Variants in CNTN5 observed in about 807,000 individuals in gnomAD.
The protein encoded by CNTN5 is contactin 5, also known as contactin-5.
Under a neutral mutation model 129.1 loss-of-function variants are expected in CNTN5, and 77 were observed. That is an observed-to-expected ratio of 0.60 (90% confidence interval 0.50 to 0.72). The LOEUF (loss-of-function observed/expected upper bound fraction) is 0.72. Among genes scored for constraint, CNTN5 ranks in the 30% least tolerant of loss-of-function variants. The pLI is 0.00. For missense variants in CNTN5, 1,478 were observed against 1,328.8 expected (o/e 1.11, Z -1.75); for synonymous variants, 509 against 465.6 (o/e 1.09, Z -1.20).
chr11:99,628,611 G>GTC (rs1491247499), intron 3 of CNTN5, among the ~76,000 whole-genome samples: 1 of 147,146 alleles, frequency 6.8e-6, no homozygotes, highest in Non-Finnish European at 1.5e-5. Context: ...GCTAAATAAT[G>GTC]ACACACACAC....
chr11:100,147,496 A>ATCAT (rs1402184943), intron 13 of CNTN5, among the ~76,000 whole-genome samples: 1 of 151,988 alleles, frequency 6.6e-6, no homozygotes, highest in Non-Finnish European at 1.5e-5. Context: ...TTAAACCTGA[A>ATCAT]TCATTCGAAC....
intron 1 of CNTN5, among the ~76,000 whole-genome samples, chr11:99,046,182 T>C (rs1387952967): frequency 6.6e-6 from 1 of 151,562 alleles, no homozygotes; most frequent in African/African-American, 2.4e-5. Flanking sequence ...CTACTAAAAA[T>C]ACAAAAAAAA....
At chr11:99,525,773 A>T (rs1184528045) in intron 2 of CNTN5, among the ~76,000 whole-genome samples, 1 of 152,160 alleles carries the variant, frequency 6.6e-6, no homozygotes, top group Non-Finnish European at 1.5e-5. Context: ...GTGAATTTCT[A>T]CTCAGAAACA....
intron 1 of CNTN5, among the ~76,000 whole-genome samples, chr11:99,125,219 T>C (rs769466993): frequency 2.0e-5 from 3 of 151,940 alleles, no homozygotes; most frequent in Non-Finnish European, 4.4e-5. Context: ...CAAGGTACTA[T>C]AAAACCGAAT....
At chr11:99,119,902 G>A (rs1449343656) in intron 1 of CNTN5, among the ~76,000 whole-genome samples, 1 of 152,012 alleles carries the variant, frequency 6.6e-6, no homozygotes, top group Non-Finnish European at 1.5e-5. Context: ...TCTTTCGTAT[G>A]TTTTGGTCAC....
At chr11:99,507,415 T>G (rs1166412584) in intron 2 of CNTN5, among the ~76,000 whole-genome samples, 2 of 143,604 alleles carry the variant, frequency 1.4e-5, no homozygotes, top group South Asian at 4.6e-4. Context: ...TTCAAAACAA[T>G]AGTCATCCCA....
intron 4 of CNTN5, among the ~76,000 whole-genome samples, chr11:99,823,622 G>A (rs1946867050): frequency 6.6e-6 from 1 of 152,024 alleles, no homozygotes; most frequent in Non-Finnish European, 1.5e-5. Flanking sequence ...CATTACATTA[G>A]AAATTGTCAA....
intron 13 of CNTN5, among the ~76,000 whole-genome samples, chr11:100,077,205 A>G (rs1944165684): frequency 6.6e-6 from 1 of 152,164 alleles, no homozygotes; most frequent in Non-Finnish European, 1.5e-5. Flanking sequence ...GGTGTTAGAA[A>G]ACTGTTAAGA....
intron 2 of CNTN5, among the ~76,000 whole-genome samples, chr11:99,475,469 C>A (rs1013299919): frequency 6.6e-6 from 1 of 152,108 alleles, no homozygotes; most frequent in Non-Finnish European, 1.5e-5. Flanking sequence ...TGAAAACAGT[C>A]ATTTATTTAT....
At chr11:99,767,382 A>T (rs1944790452) in intron 3 of CNTN5, among the ~76,000 whole-genome samples, 1 of 152,074 alleles carries the variant, frequency 6.6e-6, no homozygotes, top group Admixed American at 6.6e-5. Flanking sequence ...AGGTAACTTA[A>T]TTTCAAACAA....
At chr11:99,655,993 T>C (rs538852118) in intron 3 of CNTN5, among the ~76,000 whole-genome samples, 4 of 152,054 alleles carry the variant, frequency 2.6e-5, no homozygotes, top group Non-Finnish European at 5.9e-5. Flanking sequence ...TGTATATATA[T>C]GTGTTTCTGT....
intron 13 of CNTN5, among the ~76,000 whole-genome samples, chr11:100,080,687 TTTG>T: frequency 6.6e-6 from 1 of 152,236 alleles, no homozygotes; most frequent in East Asian, 1.9e-4. Context: ...AACAAGCTGT[TTTG>T]TTGTTTCCTC....
intron 3 of CNTN5, among the ~76,000 whole-genome samples, chr11:99,619,155 A>G (rs1950850950): frequency 6.7e-6 from 1 of 149,536 alleles, no homozygotes; most frequent in Non-Finnish European, 1.5e-5. Context: ...GACTCCATCA[A>G]AATTCTTAAA....
intron 8 of CNTN5, among the ~76,000 whole-genome samples, chr11:99,966,126 A>T (rs1406882984): frequency 6.6e-6 from 1 of 151,740 alleles, no homozygotes; most frequent in Non-Finnish European, 1.5e-5. Context: ...AGAGCTGGCT[A>T]AAAAAAATCA....
chr11:99,804,988 T>G lies in CNTN5; in HGVS notation c.56-14556T>G, dbSNP rs912237699. Among the ~76,000 whole-genome samples the G allele has an allele frequency of 7.2e-5, 11 of 152,118 alleles. No individual in the cohort carries two copies. The East Asian group carries it at 2.1e-3, about 29-fold the overall frequency. The stretch of plus-strand genomic sequence containing the variant: ...CAAAGGCTGAAAACAAAACATGGCC[T>G]CATCTATTTGAGAAACCATAGGTAA... On this transcript the variant is annotated intron_variant, in intron 3 of 24. Transcript: ENST00000524871.
At chr11:99,046,287 C>A (rs1351055452) in intron 1 of CNTN5, among the ~76,000 whole-genome samples, 8 of 151,846 alleles carry the variant, frequency 5.3e-5, no homozygotes, top group African/African-American at 1.9e-4. Flanking sequence ...TTGCGGTGAG[C>A]CAAGATTGAG....
At chr11:99,176,030 C>A (rs935217187) in intron 1 of CNTN5, among the ~76,000 whole-genome samples, 2 of 152,156 alleles carry the variant, frequency 1.3e-5, no homozygotes, top group East Asian at 1.9e-4. Flanking sequence ...ACAATGCTTA[C>A]CTTGTTTCTG....
chr11:99,386,545 G>A (rs566819331), intron 2 of CNTN5, among the ~76,000 whole-genome samples: 6 of 152,170 alleles, frequency 3.9e-5, no homozygotes, highest in African/African-American at 1.4e-4. Flanking sequence ...TGGCCATCTT[G>A]GTTTCGGTGG....
intron 2 of CNTN5, among the ~76,000 whole-genome samples, chr11:99,477,818 A>C (rs7942151): frequency 0.22 from 33,122 of 151,694 alleles, 3,879 homozygotes; most frequent in Admixed American, 0.33. Context: ...TCCTTTAAAA[A>C]AATAAAAAGA....
Sources: allele counts gnomAD v4.1 joint callset (sites outside exome capture counted in the v4.1 genomes callset), GRCh38; gene constraint gnomAD v4.1.1; transcripts MANE v1.5; gene names NCBI Gene and HGNC (gene_info 2026-07-23, HGNC 2026-07-21).